CACNA2D1: variants seen among roughly 807,000 people sequenced by gnomAD.
CACNA2D1 encodes the protein calcium voltage-gated channel auxiliary subunit alpha2delta 1.
CACNA2D1 carries 53 observed loss-of-function variants against 171.5 expected under a neutral mutation model. That is an observed-to-expected ratio of 0.31 (90% CI 0.25 to 0.39). The LOEUF is 0.39. Ranked by LOEUF, CACNA2D1 falls within the 10% of genes least tolerant of loss-of-function variation. The probability of loss-of-function intolerance (pLI) is 1.00; values close to 1 mark genes in which losing one functional copy is unlikely to be tolerated. For synonymous variants in CACNA2D1, 442 were observed against 443.1 expected, an observed-to-expected ratio of 1.00 and a Z score of 0.03; for missense variants, 903 against 1,299.8, an observed-to-expected ratio of 0.69 and a Z score of 4.69.
In CACNA2D1 at chr7:81,967,583, A is replaced by T. The variant is rs771850068; in HGVS notation, c.2463+13T>A. ...ATTAAACATAGCATAAGAATTTTTT[A>T]AAAATATCTTACCGGATCTCTGATT... On this transcript the variant is annotated intron_variant, in intron 30 of 38. Coordinates refer to ENST00000356860, the MANE Select transcript of CACNA2D1 (RefSeq NM_000722.4). 75 of 1,404,282 alleles carry T rather than the reference A, an allele frequency of 5.3e-5. No individual in the cohort carries two copies. In the African/African-American group the frequency reaches 9.1e-4, roughly 17 times the overall value. 87.0% of individuals were successfully genotyped at this position (1,404,282 alleles called of 1,614,324 possible).
intron 7 of CACNA2D1, among the ~76,000 whole-genome samples, chr7:82,079,558 G>T (rs1335151068): frequency 6.6e-6 from 1 of 151,848 alleles, no homozygotes; most frequent in Non-Finnish European, 1.5e-5. Flanking sequence ...CAGGCATGGT[G>T]GCATGCATCT....
At chr7:82,228,099 A>G (rs987800135) in intron 3 of CACNA2D1, among the ~76,000 whole-genome samples, 1 of 152,136 alleles carries the variant, frequency 6.6e-6, no homozygotes, top group African/African-American at 2.4e-5. Flanking sequence ...TAAGGTTCCT[A>G]ATCAGTTGAT....
intron 6 of CACNA2D1, among the ~76,000 whole-genome samples, chr7:82,085,802 C>A (rs1043074871): frequency 6.6e-6 from 1 of 151,556 alleles, no homozygotes; most frequent in African/African-American, 2.4e-5. Flanking sequence ...ATAGGTATTA[C>A]AAACATATAC....
rs947230491 is a variant in CACNA2D1, at chr7:82,201,099, T to C, written c.295-30490A>G. On this transcript the variant is annotated intron_variant, in intron 3 of 38. Transcript: ENST00000356860. ...TCTTGTTCATTTGCTCAACAAATAA[T>C]AGATGTGATACCACTAGATACCAGG... 2.0e-5 allele frequency among the ~76,000 whole-genome samples: 3 copies of C among 152,314 alleles called. No individual in the cohort carries two copies. In the South Asian group the frequency reaches 6.2e-4, roughly 32 times the overall value.
At chr7:82,344,327 G>A (rs376471737) in intron 2 of CACNA2D1, among the ~76,000 whole-genome samples, 1 of 152,144 alleles carries the variant, frequency 6.6e-6, no homozygotes, top group East Asian at 1.9e-4. Flanking sequence ...CCAAATGTAT[G>A]CCAGGGCACA....
intron 7 of CACNA2D1, among the ~76,000 whole-genome samples, chr7:82,077,759 T>TAAAAA (rs10596724): frequency 6.9e-6 from 1 of 145,128 alleles, no homozygotes; most frequent in African/African-American, 2.6e-5. Flanking sequence ...AATGTTAAAG[T>TAAAAA]AAAAAAAAAA....
chr7:82,137,960 T>C (rs1584883589), intron 4 of CACNA2D1, among the ~76,000 whole-genome samples: 1 of 152,152 alleles, frequency 6.6e-6, no homozygotes, highest in African/African-American at 2.4e-5. Context: ...GTGTATTCCC[T>C]TTCCCCCTCC....
At chr7:81,972,990 A>T (rs1056108123) in intron 25 of CACNA2D1, among the ~76,000 whole-genome samples, 1 of 152,034 alleles carries the variant, frequency 6.6e-6, no homozygotes, top group Non-Finnish European at 1.5e-5. Flanking sequence ...AAAACAGTTC[A>T]TTTGGAAAGT....
At chr7:82,130,970 A>T (rs1190199219) in intron 5 of CACNA2D1, among the ~76,000 whole-genome samples, 1 of 151,526 alleles carries the variant, frequency 6.6e-6, no homozygotes, top group Non-Finnish European at 1.5e-5. Context: ...CTAAATTTTA[A>T]AAAAATATTT....
intron 3 of CACNA2D1, among the ~76,000 whole-genome samples, chr7:82,202,380 G>A (rs1799534649): frequency 6.6e-6 from 1 of 152,134 alleles, no homozygotes. Flanking sequence ...AGGATACTGA[G>A]GAGAGTGAGC....
At chr7:82,004,847 A>T (rs2130863001) in intron 18 of CACNA2D1, among the ~76,000 whole-genome samples, 1 of 152,268 alleles carries the variant, frequency 6.6e-6, no homozygotes, top group Non-Finnish European at 1.5e-5. Flanking sequence ...AAAAATTAGG[A>T]TAATATGGTT....
At chr7:82,073,872 AT>A (rs1468313743) in intron 7 of CACNA2D1, among the ~76,000 whole-genome samples, 1 of 152,152 alleles carries the variant, frequency 6.6e-6, no homozygotes, top group Admixed American at 6.5e-5. Context: ...AAATGCTTTG[AT>A]TACAGGCGTC....
intron 1 of CACNA2D1, among the ~76,000 whole-genome samples, chr7:82,421,371 CT>C (rs2129457234): frequency 6.6e-6 from 1 of 152,286 alleles, no homozygotes; most frequent in East Asian, 1.9e-4. Context: ...AAAATACAGT[CT>C]GCATTTAAAT....
In CACNA2D1 at chr7:82,069,618, C is replaced by T. The variant is rs566934123; in HGVS notation, c.659-3094G>A. On this transcript the variant is annotated intron_variant, in intron 7 of 38. Transcript: ENST00000356860. ...TTTACTTGTGCATTAACTCAGAATACTGATATACGTAATAGGAAAATATTC... is the reference window on the plus strand; with the variant it reads ...TTTACTTGTGCATTAACTCAGAATATTGATATACGTAATAGGAAAATATTC... 6.6e-5 allele frequency among the ~76,000 whole-genome samples: 10 copies of T among 152,148 alleles called. No homozygotes were observed. The South Asian group carries it at 2.1e-3, about 32-fold the overall frequency.
intron 10 of CACNA2D1, among the ~76,000 whole-genome samples, chr7:82,056,984 T>A (rs1349323205): frequency 6.6e-6 from 1 of 152,178 alleles, no homozygotes; most frequent in Non-Finnish European, 1.5e-5. Context: ...GCTGCCAGCC[T>A]GATAACATTG....
At chr7:82,040,670 G>A (rs974865017) in intron 10 of CACNA2D1, among the ~76,000 whole-genome samples, 2 of 152,004 alleles carry the variant, frequency 1.3e-5, no homozygotes, top group Non-Finnish European at 2.9e-5. Flanking sequence ...CAGGGAAGAT[G>A]GGGACTTAAA....
At chr7:81,954,554 C>G (rs1353298167) in intron 38 of CACNA2D1, among the ~76,000 whole-genome samples, 1 of 152,054 alleles carries the variant, frequency 6.6e-6, no homozygotes, top group African/African-American at 2.4e-5. Context: ...CTTACTCTGC[C>G]TTTCTTTCCC....
chr7:82,188,099 C>A (rs1797949482), intron 3 of CACNA2D1, among the ~76,000 whole-genome samples: 1 of 152,118 alleles, frequency 6.6e-6, no homozygotes, highest in Admixed American at 6.6e-5. Context: ...GAGCACTAAT[C>A]ACATTTGTGA....
At position 81,984,677 on chromosome 7, in the gene CACNA2D1, A is replaced by G. The variant is rs760030339; in HGVS notation, c.1831T>C (p.Tyr611His). The G allele has an allele frequency of 6.4e-7, 1 of 1,571,164 alleles. No homozygotes were observed. Among genetic ancestry groups the G allele is most frequent in the East Asian group, 2.3e-5 (1 of 44,086 alleles). ...GTCTCTTCTAGTTTGGCTTTTATAT[A>G]GTAAAAACTGTAGGTTGGTAATACC... ...ALVLPTYSFY[Y>H]IKAKLEETIT... is the part of the protein sequence containing the mutation. Residue 611 changes from tyrosine (Y) to histidine (H), a missense_variant, in exon 22 of 39, where the codon TAT (tyrosine) becomes CAT (histidine). Tyr to His is a moderately conservative substitution (Grantham distance 83). Coordinates refer to ENST00000356860, the MANE Select transcript of CACNA2D1 (RefSeq NM_000722.4).
Sources: allele counts gnomAD v4.1 joint callset (sites outside exome capture counted in the v4.1 genomes callset), GRCh38; gene constraint gnomAD v4.1.1; transcripts MANE v1.5; gene names NCBI Gene and HGNC (gene_info 2026-07-23, HGNC 2026-07-21).